The following C8orf74 variants were observed in gnomAD, a reference collection of about 807,000 sequenced individuals.
C8orf74 encodes the protein uncharacterized protein C8orf74.
A neutral mutation model predicts 22.2 loss-of-function variants in C8orf74; 29 were observed. The observed-to-expected ratio is 1.31, with a 90% CI of 0.97 to 1.78. The LOEUF (loss-of-function observed/expected upper bound fraction) is 1.78. C8orf74 is among the 40% of genes most tolerant of loss of function. The pLI is 0.00. For synonymous variants in C8orf74, 255 were observed against 163.1 expected, an observed-to-expected ratio of 1.56 and a Z score of -4.30; for missense variants, 515 against 369.9, an observed-to-expected ratio of 1.39 and a Z score of -3.22.
At chr8:10,679,350 C>T (rs1799099494) in intron 2 of C8orf74, among the ~76,000 whole-genome samples, 1 of 152,192 alleles carries the variant, frequency 6.6e-6, no homozygotes, top group Admixed American at 6.5e-5. Flanking sequence ...CCCGCCCGGA[C>T]AGCAGCGGCC....
At chr8:10,672,934 G>A (rs572167445) in intron 1 of C8orf74, among the ~76,000 whole-genome samples, 80 of 152,314 alleles carry the variant, frequency 5.3e-4, no homozygotes, top group African/African-American at 1.9e-3. Flanking sequence ...TGCAGGCCCA[G>A]AAGGAGCAGA....
At chr8:10,688,128 G>T (rs553690671) in intron 2 of C8orf74, among the ~76,000 whole-genome samples, 10 of 151,212 alleles carry the variant, frequency 6.6e-5, no homozygotes, top group African/African-American at 2.2e-4. Flanking sequence ...TCACTTGAAC[G>T]TGGGAGGTGG....
intron 2 of C8orf74, chr8:10,688,353 G>T (rs1799305311): frequency 6.6e-6 from 1 of 152,192 alleles, no homozygotes; most frequent in African/African-American, 2.4e-5. Flanking sequence ...GACAAAGAAA[G>T]AGAACACTGA....
At chr8:10,684,478 G>C (rs989188879) in intron 2 of C8orf74, among the ~76,000 whole-genome samples, 10 of 152,282 alleles carry the variant, frequency 6.6e-5, no homozygotes, top group African/African-American at 9.6e-5. Flanking sequence ...CTGAGCCCTA[G>C]GCAAGTGACC....
intron 3 of C8orf74, among the ~76,000 whole-genome samples, chr8:10,699,150 G>C (rs1799598017): frequency 6.6e-6 from 1 of 152,188 alleles, no homozygotes; most frequent in South Asian, 2.1e-4. Flanking sequence ...GGTGGGGCAT[G>C]GCCACAGTGG....
At chr8:10,689,372 TG>T (rs1304047349) in intron 2 of C8orf74, 1 of 152,344 alleles carries the variant, frequency 6.6e-6, no homozygotes, top group Admixed American at 6.5e-5. Flanking sequence ...AGAGACTACT[TG>T]CCCCAAATAG....
At chr8:10,693,864 TG>T (rs1327500358) in intron 2 of C8orf74, among the ~76,000 whole-genome samples, 1 of 152,228 alleles carries the variant, frequency 6.6e-6, no homozygotes, top group Admixed American at 6.5e-5. Context: ...CTTCTAAGTG[TG>T]GCATCCATCC....
intron 2 of C8orf74, among the ~76,000 whole-genome samples, chr8:10,697,003 A>G (rs565566011): frequency 6.6e-6 from 1 of 152,058 alleles, no homozygotes; most frequent in South Asian, 2.1e-4. Context: ...TAATGTGATT[A>G]TACTGAGATC....
intron 2 of C8orf74, among the ~76,000 whole-genome samples, chr8:10,677,520 A>T (rs1799058166): frequency 6.6e-6 from 1 of 152,088 alleles, no homozygotes. Context: ...TAGTCTTCAG[A>T]TGCTATATAT....
chr8:10,674,607 C>G, intron 1 of C8orf74, 39 bp from the exon 2 acceptor site: 1 of 1,546,700 alleles, frequency 6.5e-7, no homozygotes, highest in Non-Finnish European at 8.8e-7. Flanking sequence ...CCTGCAACCC[C>G]CACATCATAC....
intron 1 of C8orf74, among the ~76,000 whole-genome samples, chr8:10,673,380 G>T (rs954691440): frequency 2.0e-5 from 3 of 152,076 alleles, no homozygotes; most frequent in Non-Finnish European, 4.4e-5. Context: ...CTTCTAGGCA[G>T]GGAAAAAAGT....
chr8:10,697,963 T>C lies in C8orf74; in HGVS notation c.606T>C (p.Ala202=). 1 of 1,534,794 alleles carries C rather than the reference T, an allele frequency of 6.5e-7. No individual in the cohort carries two copies. The highest frequency in any genetic ancestry group is 2.1e-4 in the Middle Eastern group (1 of 4,658). The change falls in exon 3 of 4, where the codon GCT becomes GCC. Residue 202 remains alanine, a synonymous_variant. Coordinates refer to ENST00000304519, the MANE Select transcript of C8orf74 (RefSeq NM_001040032.2). ...ERENSLQKAF[A]AAAPAQPGQV... is the part of the protein sequence containing the mutation. The stretch of plus-strand genomic sequence containing the variant: ...AGAACTCGCTGCAGAAGGCGTTCGC[T>C]GCCGCCGCGCCTGCGCAGCCCGGCC...
intron 2 of C8orf74, chr8:10,687,340 C>T: frequency 3.2e-6 from 1 of 313,258 alleles, no homozygotes. Flanking sequence ...TATTAAAAGT[C>T]TTGCATAATA....
At chr8:10,672,831 C>A (rs1443602527) in intron 1 of C8orf74, 118 bp downstream of exon 1, 3 of 835,990 alleles carry the variant, frequency 3.6e-6, no homozygotes, top group Non-Finnish European at 5.9e-6. Context: ...CGGCTCAGCA[C>A]AGCACCTCTG....
intron 2 of C8orf74, among the ~76,000 whole-genome samples, chr8:10,685,775 AAT>A (rs1321709163): frequency 6.6e-6 from 1 of 152,240 alleles, no homozygotes; most frequent in Admixed American, 6.5e-5. Flanking sequence ...TAAACTTAAA[AAT>A]AGTTATAATC....
intron 2 of C8orf74, chr8:10,688,314 G>C (rs542595258): frequency 2.6e-4 from 39 of 152,188 alleles, no homozygotes; most frequent in Middle Eastern, 3.4e-3. Context: ...CATCATAGTT[G>C]GGCCAGTTTT....
In C8orf74 at chr8:10,697,334, C is replaced by A. The variant is rs1223224827; in HGVS notation, c.242-265C>A. ...CCTGTAGTCCCAGCTACACAGGAGGCTGAGGCAGGGGGATTTCTTGAGCCT... is the reference window on the plus strand; with the variant it reads ...CCTGTAGTCCCAGCTACACAGGAGGATGAGGCAGGGGGATTTCTTGAGCCT... On this transcript the variant is annotated intron_variant, in intron 2 of 3. Coordinates refer to ENST00000304519, the MANE Select transcript of C8orf74 (RefSeq NM_001040032.2). Among the ~76,000 whole-genome samples the A allele has an allele frequency of 2.6e-5, 4 of 152,150 alleles. No homozygotes were observed. In the East Asian group the frequency reaches 7.7e-4, roughly 29 times the overall value.
chr8:10,684,262 C>T (rs1392774481), intron 2 of C8orf74, among the ~76,000 whole-genome samples: 1 of 152,200 alleles, frequency 6.6e-6, no homozygotes, highest in Non-Finnish European at 1.5e-5. Context: ...CAGTACTAAC[C>T]TTGAGACTTT....
At chr8:10,682,576 A>G (rs1276113299) in intron 2 of C8orf74, among the ~76,000 whole-genome samples, 1 of 152,026 alleles carries the variant, frequency 6.6e-6, no homozygotes, top group African/African-American at 2.4e-5. Context: ...TCTTGTTATG[A>G]TGACAGCAGT....
Sources: allele counts gnomAD v4.1 joint callset (sites outside exome capture counted in the v4.1 genomes callset), GRCh38; gene constraint gnomAD v4.1.1; transcripts MANE v1.5; gene names NCBI Gene and HGNC (gene_info 2026-07-23, HGNC 2026-07-21).